Variants in LAPTM4B observed in about 807,000 individuals in gnomAD.
LAPTM4B encodes the protein lysosomal protein transmembrane 4 beta.
In LAPTM4B, 26 loss-of-function variants were observed where a neutral mutation model predicts 28.5. That is an observed-to-expected ratio of 0.91 (90% confidence interval 0.67 to 1.27). The LOEUF (loss-of-function observed/expected upper bound fraction) is 1.27, where lower values mean the gene tolerates loss of function less well. Ranked by LOEUF, LAPTM4B falls within the 50% of genes most tolerant of loss-of-function variation. LAPTM4B has a pLI of 0.00. For missense variants in LAPTM4B, 288 were observed against 285.8 expected (o/e 1.01, Z -0.06); for synonymous variants, 109 against 106.4 (o/e 1.02, Z -0.15).
intron 2 of LAPTM4B, among the ~76,000 whole-genome samples, chr8:97,813,537 A>G (rs937648083): frequency 6.6e-6 from 1 of 152,212 alleles, no homozygotes; most frequent in Non-Finnish European, 1.5e-5. Context: ...AATACTTTGC[A>G]TCCTTCAGTC....
intron 6 of LAPTM4B, among the ~76,000 whole-genome samples, chr8:97,845,583 C>T (rs1477086061): frequency 6.6e-6 from 1 of 152,034 alleles, no homozygotes; most frequent in Non-Finnish European, 1.5e-5. Context: ...TTCTTAGGAC[C>T]TTGAACAGAC....
At chr8:97,795,484 G>C (rs78329894) in intron 1 of LAPTM4B, among the ~76,000 whole-genome samples, 2 of 152,122 alleles carry the variant, frequency 1.3e-5, no homozygotes, top group Non-Finnish European at 2.9e-5. Flanking sequence ...ACTAAGCAAA[G>C]ACCCCTGTAT....
chr8:97,805,330 T>G lies in LAPTM4B; in HGVS notation c.100-23T>G. 61 of 1,085,680 alleles carry G rather than the reference T, an allele frequency of 5.6e-5. No homozygotes were observed. Among genetic ancestry groups the G allele is most frequent in the Non-Finnish European group, 6.8e-5 (53 of 775,630 alleles). 67.3% of individuals were successfully genotyped at this position (1,085,680 alleles called of 1,614,324 possible). A position where few individuals can be genotyped will look rare whatever the true frequency, so the allele number is the denominator to read the frequency against. On this transcript the variant is annotated intron_variant, in intron 1 of 6. Coordinates refer to ENST00000521545, the MANE Select transcript of LAPTM4B (RefSeq NM_018407.6). ...TCCTGGGGTTACTTAAATTCTTTTT[T>G]TTTTTTTTTTTTCTTGTTGCAGATC... is the stretch of plus-strand genomic sequence containing the variant.
intron 6 of LAPTM4B, among the ~76,000 whole-genome samples, chr8:97,838,902 G>T (rs1052092829): frequency 6.6e-6 from 1 of 152,170 alleles, no homozygotes; most frequent in Admixed American, 6.5e-5. Context: ...AGTAAATTTT[G>T]CATACCAGGG....
intron 1 of LAPTM4B, among the ~76,000 whole-genome samples, chr8:97,776,853 A>AT (rs955040785): frequency 5.3e-5 from 8 of 151,646 alleles, no homozygotes; most frequent in African/African-American, 1.7e-4. Flanking sequence ...CAAATCTGGC[A>AT]TTTTTTTTCC....
intron 5 of LAPTM4B, among the ~76,000 whole-genome samples, chr8:97,819,503 A>G (rs996990439): frequency 2.0e-5 from 3 of 152,182 alleles, no homozygotes; most frequent in African/African-American, 7.2e-5. Flanking sequence ...TGATATTGCA[A>G]CGTCTGTTAC....
chr8:97,783,622 C>T (rs1464514888), intron 1 of LAPTM4B, among the ~76,000 whole-genome samples: 1 of 152,134 alleles, frequency 6.6e-6, no homozygotes, highest in Non-Finnish European at 1.5e-5. Flanking sequence ...GAGAGTCTGA[C>T]ACCTTTGAAG....
chr8:97,783,262 TTTTC>T (rs934474804), intron 1 of LAPTM4B, among the ~76,000 whole-genome samples: 8 of 152,040 alleles, frequency 5.3e-5, no homozygotes, highest in East Asian at 1.9e-4. Flanking sequence ...TTCTTTTTAA[TTTTC>T]TTTCTTTCTT....
intron 6 of LAPTM4B, among the ~76,000 whole-genome samples, chr8:97,830,158 A>G (rs1189329062): frequency 1.3e-5 from 2 of 152,182 alleles, no homozygotes; most frequent in Non-Finnish European, 2.9e-5. Context: ...TGCATAGCCA[A>G]CAATTTTTTG....
At chr8:97,821,527 G>A (rs2129805204) in intron 5 of LAPTM4B, among the ~76,000 whole-genome samples, 2 of 151,400 alleles carry the variant, frequency 1.3e-5, no homozygotes, top group African/African-American at 2.5e-5. Flanking sequence ...GAAGCAGGTA[G>A]TGAGGACGTG....
chr8:97,851,369 A>G (rs758178226), intron 6 of LAPTM4B, 28 bp from the exon 7 acceptor site: 3 of 1,542,562 alleles, frequency 1.9e-6, no homozygotes. Flanking sequence ...TTCAAACATT[A>G]ACTCTTGCCG....
chr8:97,776,114 C>T lies in LAPTM4B; in HGVS notation c.99+6C>T, dbSNP rs569186515. On this transcript the variant is annotated splice_donor_region_variant and intron_variant, in intron 1 of 6. Transcript: ENST00000521545. ...TGCTCGGCGTCTGGTATCTGGTGAGCGCGGCGCGCCCGGCCCGGGACCCTG... is the reference window on the plus strand; with the variant it reads ...TGCTCGGCGTCTGGTATCTGGTGAGTGCGGCGCGCCCGGCCCGGGACCCTG... 2 of 1,566,852 alleles carry T rather than the reference C, an allele frequency of 1.3e-6. No homozygotes were observed. Among genetic ancestry groups the T allele is most frequent in the South Asian group, 1.1e-5 (1 of 88,010 alleles).
rs1471687021 is a variant in LAPTM4B at position 97,837,217 on chromosome 8, CAG to C, written c.603+12067_603+12068del. Among the ~76,000 whole-genome samples the C allele has an allele frequency of 4.5e-5, 6 of 134,638 alleles. No individual in the cohort carries two copies. In the East Asian group the frequency reaches 8.4e-4, roughly 19 times the overall value. The allele number at this position is 134,638 out of a possible 152,430, so 88.3% of individuals were successfully genotyped here. ...CCACTTTTTTTTTTTTTTTTGGAGA[CAG>C]AGTCTCTGTCGCCCAGGCTGTGGAG... On this transcript the variant is annotated intron_variant, in intron 6 of 6. Transcript: ENST00000521545.
intron 6 of LAPTM4B, among the ~76,000 whole-genome samples, chr8:97,843,583 C>T (rs1817383599): frequency 6.6e-6 from 1 of 152,076 alleles, no homozygotes; most frequent in Non-Finnish European, 1.5e-5. Context: ...TTTGAGAGAC[C>T]AGCCTGGCCA....
intron 1 of LAPTM4B, among the ~76,000 whole-genome samples, chr8:97,778,591 G>GCCC (rs1442737669): frequency 6.6e-6 from 1 of 152,096 alleles, no homozygotes; most frequent in Non-Finnish European, 1.5e-5. Flanking sequence ...AGTACCCAGA[G>GCCC]CCCCCGCGTT....
At chr8:97,801,336 C>T (rs1026393502) in intron 1 of LAPTM4B, among the ~76,000 whole-genome samples, 1 of 152,078 alleles carries the variant, frequency 6.6e-6, no homozygotes, top group African/African-American at 2.4e-5. Flanking sequence ...CACACACTAA[C>T]ATGTCCAGCT....
intron 2 of LAPTM4B, among the ~76,000 whole-genome samples, chr8:97,810,897 T>G (rs1242922153): frequency 2.6e-5 from 4 of 152,218 alleles, no homozygotes; most frequent in Non-Finnish European, 5.9e-5. Flanking sequence ...TGATTTAGGC[T>G]AAAGACACCA....
intron 1 of LAPTM4B, 72 bp downstream of exon 1, chr8:97,776,180 C>G: frequency 6.9e-7 from 1 of 1,448,640 alleles, no homozygotes; most frequent in Non-Finnish European, 9.1e-7. Context: ...GGCCCGGCCT[C>G]GCGGTGGGGT....
At chr8:97,828,782 G>T (rs561242530) in intron 6 of LAPTM4B, among the ~76,000 whole-genome samples, 45 of 152,328 alleles carry the variant, frequency 3.0e-4, no homozygotes, top group African/African-American at 1.0e-3. Flanking sequence ...TGGAGAGACT[G>T]CGAAATGTGG....
Sources: allele counts gnomAD v4.1 joint callset (sites outside exome capture counted in the v4.1 genomes callset), GRCh38; gene constraint gnomAD v4.1.1; transcripts MANE v1.5; gene names NCBI Gene and HGNC (gene_info 2026-07-23, HGNC 2026-07-21).